The following AK2 variants were observed in gnomAD, a reference collection of about 807,000 sequenced individuals.
AK2 encodes adenylate kinase 2.
In AK2, 15 loss-of-function variants were observed where a neutral mutation model predicts 24.6. The ratio of observed to expected loss-of-function variants is 0.61; its 90% CI spans 0.41 to 0.94. AK2 has a LOEUF of 0.94. Among genes scored for constraint, AK2 ranks in the 40% least tolerant of loss-of-function variants. The pLI, the probability that AK2 is intolerant of heterozygous loss-of-function variation, is 0.00. For missense variants in AK2, 257 were observed against 304.1 expected, an observed-to-expected ratio of 0.85 and a Z score of 1.15; for synonymous variants, 102 against 114.0, an observed-to-expected ratio of 0.90 and a Z score of 0.67.
At chr1:33,034,142 G>A (rs1314369836) in intron 1 of AK2, among the ~76,000 whole-genome samples, 1 of 151,980 alleles carries the variant, frequency 6.6e-6, no homozygotes, top group Non-Finnish European at 1.5e-5. Flanking sequence ...TATTCCTATT[G>A]TTACAACTCT....
At chr1:33,020,026 C>T in intron 4 of AK2, 3 of 1,523,628 alleles carry the variant, frequency 2.0e-6, no homozygotes, top group Non-Finnish European at 2.6e-6. Flanking sequence ...CAGTTGAAAG[C>T]TTCTGTCATA....
intron 1 of AK2, among the ~76,000 whole-genome samples, chr1:33,029,824 G>A (rs958078670): frequency 6.6e-6 from 1 of 152,176 alleles, no homozygotes; most frequent in Admixed American, 6.5e-5. Context: ...GACTATGGGC[G>A]CATATCACTG....
intron 5 of AK2, 133 bp from the exon 6 acceptor site, chr1:33,013,535 G>C: frequency 6.7e-7 from 1 of 1,498,266 alleles, no homozygotes; most frequent in South Asian, 1.2e-5. Flanking sequence ...CAGAGACAAA[G>C]ACAGGCAATC....
chr1:33,011,143 G>T lies in AK2; in HGVS notation c.*2038C>A. 7.2e-7 allele frequency: 1 copy of T among 1,381,906 alleles called. No homozygotes were observed. Among genetic ancestry groups the T allele is most frequent in the Non-Finnish European group, 9.4e-7 (1 of 1,064,784 alleles). 85.6% of individuals were successfully genotyped at this position (1,381,906 alleles called of 1,614,324 possible). On this transcript the variant is annotated 3_prime_UTR_variant, in exon 6 of 6. Transcript: ENST00000672715. ...ATGTGGACGGATGACAAATATTTGG[G>T]CAAGGATCATGCACATAAAATTAGC... is the stretch of plus-strand genomic sequence containing the variant.
intron 4 of AK2, among the ~76,000 whole-genome samples, chr1:33,015,397 T>A (rs1359765353): frequency 6.6e-6 from 1 of 152,228 alleles, no homozygotes; most frequent in African/African-American, 2.4e-5. Context: ...TGACTGGGAA[T>A]GGCCACACCA....
Position 33,014,154 on chromosome 1 carries a change from C to T in AK2, c.498+368G>A, listed in dbSNP as rs181235215. On this transcript the variant is annotated intron_variant, in intron 5 of 5. Transcript: ENST00000672715. ...CTGGAGGACTGGTCATCAAACTTCT[C>T]TTCAGTGCCACACTCTTCCCACTCT... Among the ~76,000 whole-genome samples, 273 of 152,244 alleles carry T rather than the reference C, an allele frequency of 1.8e-3. 4 individuals carry two copies. The highest frequency in any genetic ancestry group is 1.7e-3 in the Non-Finnish European group (115 of 67,992).
chr1:33,012,975 T>C lies in AK2; in HGVS notation c.*206A>G, dbSNP rs748522093. On this transcript the variant is annotated 3_prime_UTR_variant, in exon 6 of 6. Coordinates refer to ENST00000672715, the MANE Select transcript of AK2 (RefSeq NM_001625.4). The stretch of plus-strand genomic sequence containing the variant: ...CTTACAAAGTAGCAGAGTGAACACA[T>C]ATGTGCATGCACACACACACACACA... 1 of 1,574,980 alleles carries C rather than the reference T, an allele frequency of 6.3e-7. No homozygotes were observed. Among genetic ancestry groups the C allele is most frequent in the Admixed American group, 1.7e-5 (1 of 58,108 alleles).
intron 1 of AK2, among the ~76,000 whole-genome samples, chr1:33,029,993 T>C (rs879291559): frequency 3.7e-4 from 56 of 152,276 alleles, no homozygotes; most frequent in African/African-American, 8.7e-4. Context: ...TGTGGTACAA[T>C]AGAGGAAGAG....
chr1:33,020,530 T>A (rs1639472409), intron 4 of AK2, among the ~76,000 whole-genome samples: 1 of 152,172 alleles, frequency 6.6e-6, no homozygotes, highest in African/African-American at 2.4e-5. Context: ...GGTTAAGAAA[T>A]GTGCCTAGGG....
At chr1:33,026,488 A>G (rs1000897128) in intron 1 of AK2, among the ~76,000 whole-genome samples, 10 of 152,270 alleles carry the variant, frequency 6.6e-5, no homozygotes, top group African/African-American at 1.9e-4. Context: ...ACTTCATAGC[A>G]AAATGGAATC....
intron 4 of AK2, chr1:33,020,212 C>T: frequency 8.0e-7 from 1 of 1,250,880 alleles, no homozygotes; most frequent in Non-Finnish European, 1.1e-6. Flanking sequence ...CACACACACA[C>T]ACACACACAC....
rs1461146037 is a variant in AK2 at position 33,011,061 on chromosome 1, C to A, written c.*2120G>T. 1.0e-6 allele frequency: 1 copy of A among 985,272 alleles called. No homozygotes were observed. Among genetic ancestry groups the A allele is most frequent in the Admixed American group, 6.1e-5 (1 of 16,266 alleles). The allele number at this position is 985,272 out of a possible 1,614,324, so 61.0% of individuals were successfully genotyped here. A position where few individuals can be genotyped will look rare whatever the true frequency, so the allele number is the denominator to read the frequency against. On this transcript the variant is annotated 3_prime_UTR_variant, in exon 6 of 6. Coordinates refer to ENST00000672715, the MANE Select transcript of AK2 (RefSeq NM_001625.4). ...GTATATGCATTCCCTATGAATCTTC[C>A]AGTTCTTATGGGCAGCCCAAATATT...
rs967872483 is a variant in AK2 at position 33,012,461 on chromosome 1, C to T, written c.*720G>A. 2.1e-6 allele frequency: 3 copies of T among 1,425,396 alleles called. No individual in the cohort carries two copies. The highest frequency in any genetic ancestry group is 1.9e-6 in the Non-Finnish European group (2 of 1,078,912). 88.3% of individuals were successfully genotyped at this position (1,425,396 alleles called of 1,614,324 possible). On this transcript the variant is annotated 3_prime_UTR_variant, in exon 6 of 6. Coordinates refer to ENST00000672715, the MANE Select transcript of AK2 (RefSeq NM_001625.4). Reference sequence around the variant, plus strand: ...TGTGCCATCAGGAACTGTGACCCTGCCTGACTTCACATGATCCTGGACTTC... The same window carrying T: ...TGTGCCATCAGGAACTGTGACCCTGTCTGACTTCACATGATCCTGGACTTC...
chr1:33,024,031 C>G (rs984138876), intron 2 of AK2: 1 of 245,334 alleles, frequency 4.1e-6, no homozygotes, highest in African/African-American at 2.3e-5. Flanking sequence ...ATTAGCCAGG[C>G]ATGGTGGCAG....
Position 33,011,328 on chromosome 1 carries a change from AT to A in AK2, c.*1852del, listed in dbSNP as rs1444523077. ...TTTGTTTCACTCCTCTTCCTTGCCC[AT>A]TCCCAGAAGTCATGTGCTTCCCAGA... On this transcript the variant is annotated 3_prime_UTR_variant, in exon 6 of 6. Transcript: ENST00000672715. 1 of 1,288,634 alleles carries A rather than the reference AT, an allele frequency of 7.8e-7. No homozygotes were observed. The highest frequency in any genetic ancestry group is 1.0e-6 in the Non-Finnish European group (1 of 989,696). 79.8% of individuals were successfully genotyped at this position (1,288,634 alleles called of 1,614,324 possible). A position where few individuals can be genotyped will look rare whatever the true frequency, so the allele number is the denominator to read the frequency against.
In AK2 at chr1:33,009,885, CTTAGA is replaced by C. The variant is rs1638691916; in HGVS notation, c.*3291_*3295del. 1 of 453,408 alleles carries C rather than the reference CTTAGA, an allele frequency of 2.2e-6. No individual in the cohort carries two copies. The highest frequency in any genetic ancestry group is 4.4e-6 in the Non-Finnish European group (1 of 226,552). The allele number at this position is 453,408 out of a possible 1,614,324, so 28.1% of individuals were successfully genotyped here. A position where few individuals can be genotyped will look rare whatever the true frequency, so the allele number is the denominator to read the frequency against. ...CCAGAATTCAATGTCATTTTTCTAG[CTTAGA>C]TTATCTAAAAAAAATGCCACAACAG... is the stretch of plus-strand genomic sequence containing the variant. On this transcript the variant is annotated 3_prime_UTR_variant, in exon 6 of 6. Transcript: ENST00000672715.
In AK2 at chr1:33,008,028, T is replaced by C. The variant is rs1303281852; in HGVS notation, c.*5153A>G. On this transcript the variant is annotated 3_prime_UTR_variant, in exon 6 of 6. Coordinates refer to ENST00000672715, the MANE Select transcript of AK2 (RefSeq NM_001625.4). The stretch of plus-strand genomic sequence containing the variant: ...TAATATGTTAGACTATTATTAATTA[T>C]GAAAACACATAAAGAATTCTGCATA... 4.4e-6 allele frequency: 2 copies of C among 454,016 alleles called. No individual in the cohort carries two copies. The highest frequency in any genetic ancestry group is 8.8e-6 in the Non-Finnish European group (2 of 226,808). 28.1% of individuals were successfully genotyped at this position (454,016 alleles called of 1,614,324 possible).
At chr1:33,030,806 G>C (rs1042828411) in intron 1 of AK2, among the ~76,000 whole-genome samples, 3 of 152,204 alleles carry the variant, frequency 2.0e-5, no homozygotes, top group Non-Finnish European at 4.4e-5. Context: ...AGATTACCAA[G>C]CCCTAGCTCT....
intron 1 of AK2, chr1:33,029,293 A>T (rs1263014532): frequency 6.6e-6 from 1 of 151,972 alleles, no homozygotes; most frequent in Non-Finnish European, 1.5e-5. Flanking sequence ...GTGTTAGCCC[A>T]CTACACATCG....
Sources: allele counts gnomAD v4.1 joint callset (sites outside exome capture counted in the v4.1 genomes callset), GRCh38; gene constraint gnomAD v4.1.1; transcripts MANE v1.5; gene names NCBI Gene and HGNC (gene_info 2026-07-23, HGNC 2026-07-21).